The following UBE2V2 variants were observed in gnomAD, a reference collection of about 807,000 sequenced individuals.
UBE2V2 encodes the protein ubiquitin conjugating enzyme E2 V2, also known as ubiquitin-conjugating enzyme E2 variant 2.
UBE2V2 carries 9 observed loss-of-function variants against 17.2 expected under a neutral mutation model. The ratio of observed to expected loss-of-function variants is 0.52; its 90% CI spans 0.32 to 0.91. The LOEUF (loss-of-function observed/expected upper bound fraction) is 0.91, where lower values mean the gene tolerates loss of function less well. Ranked by LOEUF, UBE2V2 falls within the 40% of genes least tolerant of loss-of-function variation. UBE2V2 has a pLI of 0.04. For synonymous variants in UBE2V2, 61 were observed against 57.5 expected, an observed-to-expected ratio of 1.06 and a Z score of -0.28; for missense variants, 133 against 182.6, an observed-to-expected ratio of 0.73 and a Z score of 1.56.
Position 48,053,977 on chromosome 8 carries a change from G to T in UBE2V2, c.291+3999G>T, listed in dbSNP as rs1052602808. On this transcript the variant is annotated intron_variant, in intron 3 of 3. Transcript: ENST00000523111. Reference sequence around the variant, plus strand: ...CTGCCACCATGCCTGGCTAATTTTTGTATTTTTAGTAGAGATGGGGTTTCA... The same window carrying T: ...CTGCCACCATGCCTGGCTAATTTTTTTATTTTTAGTAGAGATGGGGTTTCA... 6.6e-5 allele frequency among the ~76,000 whole-genome samples: 10 copies of T among 151,628 alleles called. No homozygotes were observed. The East Asian group carries it at 1.8e-3, about 27-fold the overall frequency.
At chr8:48,007,080 G>C (rs187245131), upstream of UBE2V2, among the ~76,000 whole-genome samples, 141 of 151,560 alleles carry the variant, frequency 9.3e-4, no homozygotes, top group Admixed American at 1.6e-3. Context: ...AGTAGAGACA[G>C]GGTTTCACTG....
At chr8:47,998,663 TA>T in the UBE2V2 span, among the ~76,000 whole-genome samples, 2 of 145,868 alleles carry the variant, frequency 1.4e-5, no homozygotes, top group African/African-American at 2.6e-5. Flanking sequence ...AGATAGGTGA[TA>T]GGGGAGGGAG....
intron 1 of UBE2V2, among the ~76,000 whole-genome samples, chr8:48,010,893 A>ATT (rs765787547): frequency 7.8e-4 from 83 of 106,280 alleles, no homozygotes; most frequent in African/African-American, 1.5e-3. Context: ...TTTTTTTTGT[A>ATT]TTTTTTTTTT....
chr8:48,001,861 G>A, the UBE2V2 span, among the ~76,000 whole-genome samples: 6 of 152,118 alleles, frequency 3.9e-5, no homozygotes, highest in African/African-American at 7.2e-5. Flanking sequence ...AGTCCAAGGC[G>A]GGTGGATCAC....
chr8:48,047,973 ATCTT>A (rs1417710315), intron 2 of UBE2V2, among the ~76,000 whole-genome samples: 2 of 149,742 alleles, frequency 1.3e-5, no homozygotes, highest in Non-Finnish European at 3.0e-5. Context: ...TTTACATAAA[ATCTT>A]TCAGAAAAGA....
chr8:48,017,089 C>T (rs2154506842), intron 1 of UBE2V2, among the ~76,000 whole-genome samples: 1 of 152,242 alleles, frequency 6.6e-6, no homozygotes, highest in South Asian at 2.1e-4. Context: ...CTGCGCTTGG[C>T]CTCATCTTTC....
At chr8:48,024,610 G>T (rs558303178) in intron 1 of UBE2V2, among the ~76,000 whole-genome samples, 4 of 151,022 alleles carry the variant, frequency 2.6e-5, no homozygotes, top group Non-Finnish European at 5.9e-5. Context: ...AAAAAAAAAA[G>T]AGATTCTTAA....
At chr8:48,034,431 C>CT (rs1563854207) in intron 1 of UBE2V2, among the ~76,000 whole-genome samples, 1 of 152,046 alleles carries the variant, frequency 6.6e-6, no homozygotes, top group South Asian at 2.1e-4. Context: ...GCCCTGTTTT[C>CT]TTTTTTTAAA....
At chr8:48,034,037 TTGGTC>T (rs1275802519) in intron 1 of UBE2V2, among the ~76,000 whole-genome samples, 1 of 152,210 alleles carries the variant, frequency 6.6e-6, no homozygotes, top group East Asian at 1.9e-4. Context: ...TTTGTATCCC[TTGGTC>T]TATAGCTCCC....
chr8:48,008,781 A>G, intron 1 of UBE2V2, among the ~76,000 whole-genome samples: 1 of 151,756 alleles, frequency 6.6e-6, no homozygotes, highest in Non-Finnish European at 1.5e-5. Flanking sequence ...GCTCTACGGG[A>G]GGGAGGCGAG....
chr8:48,019,765 A>C (rs1457263428), intron 1 of UBE2V2, among the ~76,000 whole-genome samples: 2 of 150,360 alleles, frequency 1.3e-5, no homozygotes, highest in Non-Finnish European at 3.0e-5. Context: ...CAGTGAGCCG[A>C]GATTGCGCCA....
chr8:48,032,355 C>T (rs2091389226), intron 1 of UBE2V2, among the ~76,000 whole-genome samples: 1 of 151,990 alleles, frequency 6.6e-6, no homozygotes, highest in African/African-American at 2.4e-5. Flanking sequence ...AGAATATTAC[C>T]TTCTGATTTT....
At chr8:48,014,574 G>A (rs1443357641) in intron 1 of UBE2V2, among the ~76,000 whole-genome samples, 1 of 149,718 alleles carries the variant, frequency 6.7e-6, no homozygotes, top group African/African-American at 2.5e-5. Flanking sequence ...GAACCTGGGA[G>A]TCGAAGCTTG....
chr8:48,007,737 CT>C (rs2091194173), upstream of UBE2V2, among the ~76,000 whole-genome samples: 1 of 41,666 alleles, frequency 2.4e-5, no homozygotes, highest in Non-Finnish European at 4.3e-5. Context: ...CTTTTTCTTT[CT>C]TTCTTTTTTT....
chr8:48,037,151 C>G (rs186373857), intron 1 of UBE2V2, among the ~76,000 whole-genome samples: 20 of 152,372 alleles, frequency 1.3e-4, no homozygotes, highest in Non-Finnish European at 2.6e-4. Context: ...TGCACTCTGT[C>G]CTGGGCGACA....
chr8:48,043,352 C>T (rs1048273715), intron 2 of UBE2V2, 171 bp downstream of exon 2: 11 of 483,428 alleles, frequency 2.3e-5, no homozygotes, highest in Middle Eastern at 5.9e-4. Flanking sequence ...TGCTCGATTA[C>T]GTAGAGGATT....
At position 48,026,450 on chromosome 8, in the gene UBE2V2, A is replaced by G. The variant is rs569155439; in HGVS notation, c.17-16583A>G. Among the ~76,000 whole-genome samples the G allele has an allele frequency of 1.1e-3, 171 of 152,318 alleles. 1 individual carries two copies. Among genetic ancestry groups the G allele is most frequent in the South Asian group, 8.9e-3 (43 of 4,828 alleles). Reference sequence around the variant, plus strand: ...TTTACTGAGATATAATTCACATACCATACAGTTGTCTATTTAAAGTGTACA... The same window carrying G: ...TTTACTGAGATATAATTCACATACCGTACAGTTGTCTATTTAAAGTGTACA... On this transcript the variant is annotated intron_variant, in intron 1 of 3. Coordinates refer to ENST00000523111, the MANE Select transcript of UBE2V2 (RefSeq NM_003350.3).
At chr8:48,035,659 GTA>G (rs1554657549) in intron 1 of UBE2V2, among the ~76,000 whole-genome samples, 14 of 119,034 alleles carry the variant, frequency 1.2e-4, no homozygotes, top group African/African-American at 1.7e-4. Flanking sequence ...GTGTGTGTGT[GTA>G]TATGTATGTA....
intron 1 of UBE2V2, among the ~76,000 whole-genome samples, chr8:48,016,937 C>T (rs1297905819): frequency 1.3e-5 from 2 of 152,086 alleles, no homozygotes; most frequent in African/African-American, 2.4e-5. Flanking sequence ...AGGCACCCGC[C>T]ACCATGCCTG....
Sources: gnomAD v4.1 joint callset for allele counts (sites outside exome capture counted in the v4.1 genomes callset) on GRCh38, gnomAD v4.1.1 for gene constraint, MANE v1.5 for transcripts, NCBI Gene and HGNC (gene_info 2026-07-23, HGNC 2026-07-21) for gene names.